TCF7L2: variants seen among roughly 807,000 people sequenced by gnomAD.
TCF7L2 encodes transcription factor 7 like 2.
TCF7L2 carries 23 observed loss-of-function variants against 77.9 expected under a neutral mutation model. The observed-to-expected ratio is 0.30, with a 90% CI of 0.21 to 0.42. The LOEUF is 0.42. TCF7L2 is among the 10% of genes least tolerant of loss of function. The pLI, the probability that TCF7L2 is intolerant of heterozygous loss-of-function variation, is 1.00. For missense variants in TCF7L2, 654 were observed against 793.1 expected (o/e 0.82, Z 2.11); for synonymous variants, 413 against 340.2 (o/e 1.21, Z -2.36).
At chr10:113,141,386 C>T in intron 6 of TCF7L2, 70 bp downstream of exon 6, 3 of 1,603,284 alleles carry the variant, frequency 1.9e-6, no homozygotes, top group Non-Finnish European at 2.6e-6. Flanking sequence ...TTGAGGCCTC[C>T]ACAGGAACCC....
At chr10:113,045,713 A>G (rs913459639) in intron 5 of TCF7L2, among the ~76,000 whole-genome samples, 1 of 152,156 alleles carries the variant, frequency 6.6e-6, no homozygotes, top group African/African-American at 2.4e-5. Flanking sequence ...ACCCTGTACT[A>G]TCTAAAATCT....
intron 5 of TCF7L2, chr10:113,126,593 G>T (rs946072447): frequency 7.1e-6 from 7 of 984,822 alleles, no homozygotes; most frequent in African/African-American, 7.0e-5. Context: ...TCCCTTTTGT[G>T]GGGGGGTGGG....
At chr10:113,161,533 A>G in intron 13 of TCF7L2, 1 of 1,534,770 alleles carries the variant, frequency 6.5e-7, no homozygotes, top group Non-Finnish European at 8.7e-7. Context: ...TTCTTTAATG[A>G]CCACCTTTGG....
intron 11 of TCF7L2, among the ~76,000 whole-genome samples, chr10:113,153,941 C>G (rs965916193): frequency 4.6e-5 from 7 of 152,206 alleles, no homozygotes; most frequent in African/African-American, 1.7e-4. Context: ...CAGGGAGGTG[C>G]CCCTGGCCAT....
intron 4 of TCF7L2, among the ~76,000 whole-genome samples, chr10:113,023,877 C>T (rs535468328): frequency 6.6e-6 from 1 of 151,278 alleles, no homozygotes; most frequent in Admixed American, 6.6e-5. Flanking sequence ...ACCATGTTGG[C>T]CAGGTCTCTT....
chr10:113,141,217 C>G lies in TCF7L2; in HGVS notation c.586C>G (p.His196Asp). The G allele has an allele frequency of 6.2e-7, 1 of 1,614,138 alleles. No homozygotes were observed. The highest frequency in any genetic ancestry group is 8.5e-7 in the Non-Finnish European group (1 of 1,180,030). Residue 196 changes from histidine to aspartate, a missense_variant, in exon 6 of 14, where the codon CAT becomes GAT. His to Asp is a moderately conservative substitution (Grantham distance 81). Transcript: ENST00000627217. ...AGTGCCAGTGGTGCAGCACCCTCAC[C>G]ATGTCCACCCCCTCACGCCTCTTAT...
At chr10:113,048,770 T>C (rs766405574) in intron 5 of TCF7L2, among the ~76,000 whole-genome samples, 2 of 152,200 alleles carry the variant, frequency 1.3e-5, no homozygotes, top group South Asian at 2.1e-4. Flanking sequence ...TGGTTTACGA[T>C]GTCTGTTTCT....
At chr10:113,132,744 C>T (rs1406550746) in intron 5 of TCF7L2, among the ~76,000 whole-genome samples, 1 of 152,158 alleles carries the variant, frequency 6.6e-6, no homozygotes, top group Non-Finnish European at 1.5e-5. Context: ...ATTATGTTAA[C>T]GCTAATCATT....
At chr10:113,027,964 A>G (rs2049503752) in intron 4 of TCF7L2, among the ~76,000 whole-genome samples, 1 of 152,200 alleles carries the variant, frequency 6.6e-6, no homozygotes, top group Non-Finnish European at 1.5e-5. Context: ...TCAGACGAGA[A>G]GCGTGTGGGC....
intron 5 of TCF7L2, among the ~76,000 whole-genome samples, chr10:113,069,470 TC>T (rs142392372): frequency 1.3e-3 from 201 of 152,232 alleles, no homozygotes; most frequent in Non-Finnish European, 2.5e-3. Flanking sequence ...CCTCAAGTGA[TC>T]CGCCCACCTC....
intron 4 of TCF7L2, among the ~76,000 whole-genome samples, chr10:113,037,381 C>G (rs1003012933): frequency 6.6e-6 from 1 of 152,168 alleles, no homozygotes; most frequent in Non-Finnish European, 1.5e-5. Flanking sequence ...GGCTGTCTTC[C>G]TGCACCATCT....
At chr10:112,980,516 G>T (rs1564739435) in intron 4 of TCF7L2, among the ~76,000 whole-genome samples, 1 of 152,104 alleles carries the variant, frequency 6.6e-6, no homozygotes, top group Non-Finnish European at 1.5e-5. Context: ...CGGGAGTCAC[G>T]AAGTTCGGAA....
At chr10:112,998,367 C>T (rs768452259) in intron 4 of TCF7L2, among the ~76,000 whole-genome samples, 9 of 152,126 alleles carry the variant, frequency 5.9e-5, no homozygotes, top group Non-Finnish European at 8.8e-5. Context: ...TGAAGACATA[C>T]ACAAAAGTTT....
At chr10:113,141,030 G>A (rs1314038621) in intron 5 of TCF7L2, among the ~76,000 whole-genome samples, 154 bp from the exon 6 acceptor site, 2 of 152,274 alleles carry the variant, frequency 1.3e-5, no homozygotes, top group African/African-American at 4.8e-5. Flanking sequence ...ATTTTCACAT[G>A]GACTGGGGGG....
At chr10:112,966,561 G>C (rs1457035894) in intron 4 of TCF7L2, among the ~76,000 whole-genome samples, 1 of 152,068 alleles carries the variant, frequency 6.6e-6, no homozygotes, top group African/African-American at 2.4e-5. Flanking sequence ...GGTAGTGCTG[G>C]AAAATCTTAT....
intron 5 of TCF7L2, among the ~76,000 whole-genome samples, chr10:113,086,945 G>C (rs2059900278): frequency 6.6e-6 from 1 of 152,100 alleles, no homozygotes; most frequent in Admixed American, 6.5e-5. Flanking sequence ...GAAAGCAGGG[G>C]GTGGTGGGAA....
chr10:113,119,894 T>C (rs572810182), intron 5 of TCF7L2, among the ~76,000 whole-genome samples: 1 of 152,232 alleles, frequency 6.6e-6, no homozygotes, highest in Admixed American at 6.5e-5. Flanking sequence ...CAAAATGTGG[T>C]CTCTACCAGC....
At chr10:113,161,259 T>C (rs935050496) in intron 13 of TCF7L2, 5 of 389,738 alleles carry the variant, frequency 1.3e-5, no homozygotes, top group Admixed American at 8.4e-5. Context: ...AAGCGTGGCA[T>C]TGAACGGCAT....
intron 4 of TCF7L2, among the ~76,000 whole-genome samples, chr10:113,016,225 T>C (rs1057148960): frequency 6.6e-6 from 1 of 152,014 alleles, no homozygotes; most frequent in Non-Finnish European, 1.5e-5. Context: ...CTACCATGCT[T>C]GGCTAGTTTT....
Sources: allele counts gnomAD v4.1 joint callset (sites outside exome capture counted in the v4.1 genomes callset), GRCh38; gene constraint gnomAD v4.1.1; transcripts MANE v1.5; gene names NCBI Gene and HGNC (gene_info 2026-07-23, HGNC 2026-07-21).